Variants in LMTK3 observed in about 807,000 individuals in gnomAD.
LMTK3 encodes the protein serine/threonine-protein kinase LMTK3.
LMTK3 carries 27 observed loss-of-function variants against 116.7 expected under a neutral mutation model. The ratio of observed to expected loss-of-function variants is 0.23; its 90% CI spans 0.17 to 0.32. The LOEUF (loss-of-function observed/expected upper bound fraction) is 0.32. Among genes scored for constraint, LMTK3 ranks in the 10% least tolerant of loss-of-function variants. LMTK3 has a pLI of 1.00. For missense variants in LMTK3, 1,764 were observed against 2,068.5 expected (o/e 0.85, Z 2.86); for synonymous variants, 965 against 971.0 (o/e 0.99, Z 0.11).
At position 48,494,198 on chromosome 19, in the gene LMTK3, CG is replaced by C. The variant is rs1569101074; in HGVS notation, c.3677-90del. 1 of 789,634 alleles carries C rather than the reference CG, an allele frequency of 1.3e-6. No individual in the cohort carries two copies. Among genetic ancestry groups the C allele is most frequent in the Non-Finnish European group, 1.6e-6 (1 of 627,400 alleles). 48.9% of individuals were successfully genotyped at this position (789,634 alleles called of 1,614,324 possible). The stretch of plus-strand genomic sequence containing the variant: ...GCTGTGTGGCCTCAGATAAGACCCC[CG>C]CACAATCTGGGCCTCAGCACCCACT... On this transcript the variant is annotated intron_variant, in intron 11 of 14. Coordinates refer to ENST00000600059, the MANE Select transcript of LMTK3 (RefSeq NM_001388485.1). The surrounding 1 kb of genome is among the most constrained non-coding windows in gnomAD (Gnocchi z 4.0).
In LMTK3 at chr19:48,493,827, G is replaced by T. The variant is rs1489950347; in HGVS notation, c.3959C>A (p.Ala1320Glu). ...CCCCCGCAGCGGGCGGGCCGCGTCC[G>T]CGTCGGCGCTGCTCACCACGACGGG... is the stretch of plus-strand genomic sequence containing the variant. Reference protein sequence around the residue: ...PVPVVVSSADADAARPLRGLL... With the variant: ...PVPVVVSSADEDAARPLRGLL... The change falls in exon 12 of 15, where the codon GCG (alanine) becomes GAG (glutamate). Residue 1320 changes from alanine (A) to glutamate (E), a missense_variant. Coordinates refer to ENST00000600059, the MANE Select transcript of LMTK3 (RefSeq NM_001388485.1). The T allele has an allele frequency of 2.6e-5, 38 of 1,488,920 alleles. No homozygotes were observed. The highest frequency in any genetic ancestry group is 3.3e-5 in the Non-Finnish European group (37 of 1,120,114). 92.2% of individuals were successfully genotyped at this position (1,488,920 alleles called of 1,614,324 possible). A position where few individuals can be genotyped will look rare whatever the true frequency, so the allele number is the denominator to read the frequency against.
At chr19:48,490,901 G>A (rs931926915) in intron 14 of LMTK3, among the ~76,000 whole-genome samples, 2 of 152,204 alleles carry the variant, frequency 1.3e-5, no homozygotes, top group South Asian at 4.1e-4. Flanking sequence ...GGGGACGGCC[G>A]GCCTGCCTGC....
chr19:48,493,350 C>T (rs932578081), intron 12 of LMTK3, among the ~76,000 whole-genome samples: 1 of 141,498 alleles, frequency 7.1e-6, no homozygotes, highest in Non-Finnish European at 1.5e-5. Flanking sequence ...CCCGCCCTCT[C>T]CCTGGGCCCC....
intron 5 of LMTK3, among the ~76,000 whole-genome samples, chr19:48,503,811 T>TCTC: frequency 6.7e-6 from 1 of 148,260 alleles, no homozygotes; most frequent in African/African-American, 2.6e-5. Flanking sequence ...CTCTCTCTCT[T>TCTC]TTTTTTCCTT....
chr19:48,486,185 A>T (rs372756449), intron 14 of LMTK3, among the ~76,000 whole-genome samples: 2 of 142,178 alleles, frequency 1.4e-5, no homozygotes, highest in Non-Finnish European at 3.0e-5. Context: ...TCAGCCTCCC[A>T]AGTAGCTGGG....
Position 48,498,276 on chromosome 19 carries a change from G to C in LMTK3, c.2793C>G (p.Asn931Lys). Residue 931 changes from asparagine (N) to lysine (K), a missense_variant, in exon 11 of 15, where the codon AAC (asparagine) becomes AAG (lysine). Physicochemically the swap from Asn to Lys is moderately conservative, Grantham distance 94. Transcript: ENST00000600059. ...CGATGCCTGGGGCTCTCTGGTCCCC[G>C]TTCTCCAGCACTGTCACCCCGTTCA... ...LPVNGVTVLE[N>K]GDQRAPGIEE... 2 of 1,613,262 alleles carry C rather than the reference G, an allele frequency of 1.2e-6. No homozygotes were observed. The highest frequency in any genetic ancestry group is 1.1e-5 in the South Asian group (1 of 91,060).
intron 7 of LMTK3, among the ~76,000 whole-genome samples, chr19:48,502,055 TCCCCTCCCCTGGCTCCTCCTC>T (rs1329328305): frequency 3.1e-4 from 15 of 49,170 alleles, no homozygotes; most frequent in Non-Finnish European, 1.9e-4. Context: ...TCCTGGCCCC[TCCCCTCCCCTGGCTCCTCCTC>T]CCCCTCTCCT....
intron 14 of LMTK3, 125 bp from the exon 15 acceptor site, chr19:48,485,914 T>C: frequency 2.1e-6 from 2 of 939,674 alleles, no homozygotes; most frequent in South Asian, 1.7e-5. Context: ...CTCTGTTCCC[T>C]CTCTGTCCTC....
Position 48,497,483 on chromosome 19 carries a change from C to T in LMTK3, c.3586G>A (p.Asp1196Asn), listed in dbSNP as rs530018186. The change falls in exon 11 of 15, where the codon GAC becomes AAC. Residue 1196 changes from aspartate to asparagine, a missense_variant. Asp to Asn is a conservative substitution (Grantham distance 23). Coordinates refer to ENST00000600059, the MANE Select transcript of LMTK3 (RefSeq NM_001388485.1). The surrounding 1 kb of genome is among the most constrained non-coding windows in gnomAD (Gnocchi z 5.7). ...GGDTALSGDG[D>N]PPKPERKGPE... ...CCCTTCCTCTCGGGCTTGGGGGGGT[C>T]CCCGTCTCCGCTGAGTGCCGTGTCT... 1.6e-5 allele frequency: 24 copies of T among 1,491,572 alleles called. No homozygotes were observed. In the South Asian group the frequency reaches 2.7e-4, roughly 17 times the overall value. 92.4% of individuals were successfully genotyped at this position (1,491,572 alleles called of 1,614,324 possible).
chr19:48,488,281 G>C (rs1972159496), intron 14 of LMTK3, among the ~76,000 whole-genome samples: 1 of 152,088 alleles, frequency 6.6e-6, no homozygotes, highest in Middle Eastern at 3.2e-3. Flanking sequence ...ATGCAGCCAA[G>C]TGAAGGAAGA....
chr19:48,511,488 C>A lies in LMTK3; in HGVS notation c.76+13G>T. ...GGGGGCCACCGGACAGACTGATGGC[C>A]CGACAGACTCACCGGGGTGGGCCGG... On this transcript the variant is annotated intron_variant, in intron 1 of 14. Coordinates refer to ENST00000600059, the MANE Select transcript of LMTK3 (RefSeq NM_001388485.1). 7.5e-7 allele frequency: 1 copy of A among 1,339,748 alleles called. No individual in the cohort carries two copies. Among genetic ancestry groups the A allele is most frequent in the Non-Finnish European group, 9.7e-7 (1 of 1,025,736 alleles). The allele number at this position is 1,339,748 out of a possible 1,614,324, so 83.0% of individuals were successfully genotyped here. A position where few individuals can be genotyped will look rare whatever the true frequency, so the allele number is the denominator to read the frequency against.
At chr19:48,492,411 T>C (rs1471969750) in intron 12 of LMTK3, among the ~76,000 whole-genome samples, 1 of 152,182 alleles carries the variant, frequency 6.6e-6, no homozygotes, top group Non-Finnish European at 1.5e-5. Flanking sequence ...GGTCTCGAAC[T>C]CTTGACCTCA....
chr19:48,513,053 A>G, upstream of LMTK3: 2 of 1,079,272 alleles, frequency 1.9e-6, no homozygotes, highest in South Asian at 2.7e-5. This position sits in a 1 kb window ranked among gnomAD's most constrained non-coding sequence, Gnocchi z 5.6. Flanking sequence ...ATAAACACAC[A>G]CTGGCACACA....
intron 14 of LMTK3, among the ~76,000 whole-genome samples, chr19:48,487,067 T>C (rs1484709917): frequency 6.8e-6 from 1 of 148,128 alleles, no homozygotes; most frequent in African/African-American, 2.5e-5. Context: ...CAGAGTCTTA[T>C]TCTGTCGCCC....
chr19:48,503,138 C>G (rs1972502913), intron 5 of LMTK3, 142 bp from the exon 6 acceptor site: 1 of 652,684 alleles, frequency 1.5e-6, no homozygotes, highest in Admixed American at 2.3e-5. Flanking sequence ...GAGTCTCGCT[C>G]TGTCGCCCAG....
chr19:48,501,222 G>A, intron 9 of LMTK3, 61 bp downstream of exon 9: 1 of 1,607,072 alleles, frequency 6.2e-7, no homozygotes, highest in Non-Finnish European at 8.5e-7. Flanking sequence ...AGAACCGGTG[G>A]CATCTAGTAA....
In LMTK3 at chr19:48,498,833, C is replaced by T. The variant is rs1187921809; in HGVS notation, c.2236G>A (p.Gly746Arg). 5.6e-4 allele frequency: 649 copies of T among 1,161,470 alleles called. 1 individual carries two copies. The highest frequency in any genetic ancestry group is 6.7e-4 in the Non-Finnish European group (618 of 921,902). The allele number at this position is 1,161,470 out of a possible 1,614,324, so 71.9% of individuals were successfully genotyped here. Residue 746 changes from glycine (G) to arginine (R), a missense_variant, in exon 11 of 15, where the codon GGG becomes AGG. By Grantham distance (125) the Gly-to-Arg change is moderately radical. Around this residue, in one of 7 missense-constraint regions of LMTK3, gnomAD observed 1,028 missense variants for 1,050.6 expected, o/e 0.98. Transcript: ENST00000600059. ...GGGGGAGCGGGAGGTGGCCCCCGCC[C>T]GGGGTACTGGGGCGCCGCCGCCCCC... ...LMGAAAPQYP[G>R]RGPPPAPPPP...
rs1290913632 is a variant in LMTK3, at chr19:48,501,079, G to A, written c.1068C>T (p.Asp356=). The A allele has an allele frequency of 1.3e-6, 2 of 1,583,734 alleles. No individual in the cohort carries two copies. The highest frequency in any genetic ancestry group is 1.8e-5 in the Admixed American group (1 of 54,812). The change falls in exon 10 of 15, where the codon GAC becomes GAT. Residue 356 remains aspartate (D), a synonymous_variant. Coordinates refer to ENST00000600059, the MANE Select transcript of LMTK3 (RefSeq NM_001388485.1). ...GGACCACGAAGGCGAGGACCTCCTC[G>A]TCTGACAGGTGGCGGTAGGGCTGGG... The part of the protein sequence containing the change: ...FGAQPYRHLS[D]EEVLAFVVRQ...
chr19:48,502,822 TGAC>T (rs1169563334), intron 6 of LMTK3, 84 bp downstream of exon 6: 21 of 1,000,252 alleles, frequency 2.1e-5, no homozygotes, highest in Non-Finnish European at 3.1e-5. Context: ...ATGATGATGA[TGAC>T]GACGAAGCCC....
Sources: gnomAD v4.1 joint callset for allele counts (sites outside exome capture counted in the v4.1 genomes callset) on GRCh38, gnomAD v4.1.1 for gene constraint, gnomAD v4.1.1 regional missense constraint, Gnocchi (gnomAD v3.1) non-coding constraint, MANE v1.5 for transcripts, NCBI Gene and HGNC (gene_info 2026-07-23, HGNC 2026-07-21) for gene names.